Variants in DMD observed in about 807,000 individuals in gnomAD.
The protein encoded by DMD is dystrophin, also known as mutant dystrophin.
In DMD, 63 loss-of-function variants were observed where a neutral mutation model predicts 330.1. The ratio of observed to expected loss-of-function variants is 0.19; its 90% confidence interval spans 0.16 to 0.24. The LOEUF (loss-of-function observed/expected upper bound fraction) is 0.24, where lower values mean the gene tolerates loss of function less well. DMD is among the 10% of genes least tolerant of loss of function. DMD has a pLI of 1.00. For missense variants in DMD, 3,344 were observed against 2,684.1 expected, an observed-to-expected ratio of 1.25 and a Z score of -5.43; for synonymous variants, 1,223 against 959.8, an observed-to-expected ratio of 1.27 and a Z score of -5.07.
At chrX:33,232,266 T>C (rs1404368442) in intron 1 of DMD, among the ~76,000 whole-genome samples, 1 of 111,886 alleles carries the variant, frequency 8.9e-6, no homozygotes, top group Non-Finnish European at 1.9e-5. Context: ...AGGAAGTACA[T>C]TAGAGAAGGA....
intron 44 of DMD, among the ~76,000 whole-genome samples, chrX:32,164,459 G>A (rs138415166): frequency 0.012 from 1,309 of 111,360 alleles, 16 homozygotes; most frequent in Non-Finnish European, 0.019. Flanking sequence ...CAAAGAGACT[G>A]GCATCATTTT....
At chrX:31,314,746 G>GAGAGAGAGAGAGAGAGAA (rs1556488503) in intron 62 of DMD, among the ~76,000 whole-genome samples, 14 of 29,880 alleles carry the variant, frequency 4.7e-4, no homozygotes, top group African/African-American at 9.3e-4. Context: ...CATACACAGA[G>GAGAGAGAGAGAGAGAGAA]AGAGAGAGAG....
chrX:32,753,472 A>T (rs901579681), intron 7 of DMD, among the ~76,000 whole-genome samples: 4 of 111,648 alleles, frequency 3.6e-5, no homozygotes, highest in Non-Finnish European at 7.5e-5. Context: ...TTTCATACTC[A>T]TAAAGATTTC....
At chrX:33,045,773 A>G (rs1029396678) in intron 1 of DMD, among the ~76,000 whole-genome samples, 41 of 111,614 alleles carry the variant, frequency 3.7e-4, no homozygotes, top group African/African-American at 1.3e-3. Context: ...GCTGAAAAAT[A>G]GTGCCCAACC....
chrX:32,452,692 T>G (rs1363753351), intron 26 of DMD, among the ~76,000 whole-genome samples: 1 of 110,782 alleles, frequency 9.0e-6, no homozygotes. Flanking sequence ...GCTCTCACAT[T>G]CTGATAAAGT....
rs140919039 is a variant in DMD at position 32,573,530 on chromosome X, G to A, written c.1812C>T (p.Ala604=). The A allele has an allele frequency of 1.5e-4, 185 of 1,203,255 alleles. No homozygotes were observed. In the African/African-American group the frequency reaches 2.3e-3, roughly 15 times the overall value. ...CCATTGAAAGCTAGAAAGTACATAC[G>A]GCCAGTTTTTGAAGACTTGATAACA... ...NEMLSSLQKL[A]VLKADLEKKK... is the part of the protein sequence containing the mutation. The change falls in exon 15 of 79, where the codon GCC becomes GCT. Residue 604 remains alanine (A), a splice_region_variant and synonymous_variant. Coordinates refer to ENST00000357033, the MANE Select transcript of DMD (RefSeq NM_004006.3).
chrX:31,743,896 A>T (rs1473313741), intron 51 of DMD, among the ~76,000 whole-genome samples: 2 of 109,091 alleles, frequency 1.8e-5, no homozygotes, highest in African/African-American at 6.7e-5. Flanking sequence ...TTGCTCTGTC[A>T]TTCTGGCTGG....
chrX:31,430,985 T>C (rs1001941578), intron 60 of DMD, among the ~76,000 whole-genome samples: 1 of 107,514 alleles, frequency 9.3e-6, no homozygotes, highest in Admixed American at 1.0e-4. Context: ...TGTATTTCAG[T>C]AGAGACAGGA....
At chrX:31,687,183 T>C (rs182331892) in intron 52 of DMD, among the ~76,000 whole-genome samples, 189 of 111,786 alleles carry the variant, frequency 1.7e-3, no homozygotes, top group African/African-American at 5.8e-3. Flanking sequence ...GGGAGTACAC[T>C]GTGGGACTTG....
chrX:33,113,007 A>G (rs1765759481), intron 1 of DMD, among the ~76,000 whole-genome samples: 1 of 109,749 alleles, frequency 9.1e-6, no homozygotes, highest in African/African-American at 3.3e-5. Flanking sequence ...AAAAAGAAAT[A>G]TGCTGGATAC....
chrX:32,839,656 A>G (rs773198232), intron 4 of DMD, among the ~76,000 whole-genome samples: 3 of 112,500 alleles, frequency 2.7e-5, no homozygotes, highest in Admixed American at 9.4e-5. Flanking sequence ...TAATAAGCAA[A>G]CTAAAGTTGT....
chrX:32,445,088 G>A (rs969259422), intron 27 of DMD, among the ~76,000 whole-genome samples: 30 of 111,735 alleles, frequency 2.7e-4, no homozygotes, highest in Admixed American at 6.6e-4. Flanking sequence ...TTCAAGAGCA[G>A]TTTGTGTAAA....
intron 74 of DMD, among the ~76,000 whole-genome samples, chrX:31,151,132 G>A (rs908122568): frequency 8.9e-6 from 1 of 111,919 alleles, no homozygotes; most frequent in East Asian, 2.8e-4. Flanking sequence ...GGTGTGCACC[G>A]ATGTATGTAA....
chrX:31,724,843 C>T (rs1603451650), intron 52 of DMD, among the ~76,000 whole-genome samples: 1 of 111,967 alleles, frequency 8.9e-6, no homozygotes, highest in African/African-American at 3.2e-5. Flanking sequence ...GAGAGAACCA[C>T]AGTTTAGGAA....
intron 57 of DMD, among the ~76,000 whole-genome samples, chrX:31,490,597 A>G (rs1204959723): frequency 1.8e-5 from 2 of 112,332 alleles, no homozygotes; most frequent in Admixed American, 9.4e-5. Flanking sequence ...AAAAGAAAAA[A>G]GAATGAATCA....
At position 31,423,472 on chromosome X, in the gene DMD, C is replaced by T. The variant is rs371621383; in HGVS notation, c.9084+21009G>A. On this transcript the variant is annotated intron_variant, in intron 60 of 78. Coordinates refer to ENST00000357033, the MANE Select transcript of DMD (RefSeq NM_004006.3). ...TGTGATTATAAGAAACAAAATCCCT[C>T]GGAGATGCTGCCTTAAAATATTTTT... 9.0e-5 allele frequency among the ~76,000 whole-genome samples: 10 copies of T among 111,684 alleles called. No homozygotes were observed. The East Asian group carries it at 1.7e-3, about 19-fold the overall frequency.
chrX:31,383,458 G>GCTA (rs905286698), intron 60 of DMD, among the ~76,000 whole-genome samples: 26 of 111,988 alleles, frequency 2.3e-4, no homozygotes, highest in African/African-American at 7.8e-4. Flanking sequence ...TGTTGCTGCT[G>GCTA]CTACTACTAC....
intron 2 of DMD, among the ~76,000 whole-genome samples, chrX:32,881,892 T>C (rs112212169): frequency 9.0e-6 from 1 of 111,016 alleles, no homozygotes; most frequent in Non-Finnish European, 1.9e-5. Flanking sequence ...AATCTAAAGG[T>C]AGGGAGCAAT....
In DMD at chrX:31,121,586, C is replaced by T. The variant is rs948826450; in HGVS notation, c.*333G>A. ...AAATGCGTTCCATATAAAGAAATGG[C>T]AAGTTATTTAGCTATCAAGATTTTA... On this transcript the variant is annotated 3_prime_UTR_variant, in exon 79 of 79. Transcript: ENST00000357033. 6.8e-6 allele frequency: 2 copies of T among 294,319 alleles called. No homozygotes were observed. The highest frequency in any genetic ancestry group is 5.6e-5 in the Admixed American group (1 of 17,732). The allele number at this position is 294,319 out of a possible 1,213,427, so 24.3% of individuals were successfully genotyped here. A position where few individuals can be genotyped will look rare whatever the true frequency, so the allele number is the denominator to read the frequency against.
Sources: gnomAD v4.1 joint callset for allele counts (sites outside exome capture counted in the v4.1 genomes callset) on GRCh38, gnomAD v4.1.1 for gene constraint, MANE v1.5 for transcripts, NCBI Gene and HGNC (gene_info 2026-07-23, HGNC 2026-07-21) for gene names.